ST18: variants seen among roughly 807,000 people sequenced by gnomAD.
ST18 encodes the protein ST18 C2H2C-type zinc finger transcription factor, also known as suppression of tumorigenicity 18 protein.
A neutral mutation model predicts 110.0 loss-of-function variants in ST18; 50 were observed. The observed-to-expected ratio is 0.45, with a 90% CI of 0.36 to 0.58. ST18 has a LOEUF of 0.58. Among genes scored for constraint, ST18 ranks in the 20% least tolerant of loss-of-function variants. ST18 has a pLI of 0.00. For missense variants in ST18, 1,306 were observed against 1,280.1 expected (o/e 1.02, Z -0.31); for synonymous variants, 461 against 452.4 (o/e 1.02, Z -0.24).
At chr8:52,138,921 C>G (rs1335329808) in intron 17 of ST18, among the ~76,000 whole-genome samples, 6 of 152,120 alleles carry the variant, frequency 3.9e-5, no homozygotes, top group Non-Finnish European at 8.8e-5. Flanking sequence ...TCTGAGTTAT[C>G]ACTTTCTAAG....
chr8:52,187,946 T>C (rs1321302668), intron 8 of ST18, among the ~76,000 whole-genome samples: 13 of 152,230 alleles, frequency 8.5e-5, no homozygotes, highest in Admixed American at 8.5e-4. Flanking sequence ...AAAACAAAAC[T>C]CAACAATTAT....
intron 22 of ST18, among the ~76,000 whole-genome samples, chr8:52,126,428 T>G (rs1159551623): frequency 6.6e-6 from 1 of 152,248 alleles, no homozygotes. Flanking sequence ...TTCATCTCCA[T>G]TCAAGTAAGT....
chr8:52,347,746 A>G (rs952072831), intron 2 of ST18, among the ~76,000 whole-genome samples: 1 of 152,200 alleles, frequency 6.6e-6, no homozygotes, highest in African/African-American at 2.4e-5. Context: ...AAGCTGAGGC[A>G]CAGAGATGTT....
At chr8:52,152,923 C>T (rs2059168291) in intron 15 of ST18, among the ~76,000 whole-genome samples, 1 of 152,144 alleles carries the variant, frequency 6.6e-6, no homozygotes, top group African/African-American at 2.4e-5. Flanking sequence ...ATGGAAAATA[C>T]TTGTATCACT....
chr8:52,140,766 A>T (rs2054692974), intron 17 of ST18, among the ~76,000 whole-genome samples: 1 of 152,184 alleles, frequency 6.6e-6, no homozygotes, highest in East Asian at 1.9e-4. Context: ...TTTCTGATCC[A>T]AAATGGTATT....
At chr8:52,287,297 T>C (rs1401045882) in intron 2 of ST18, among the ~76,000 whole-genome samples, 2 of 152,228 alleles carry the variant, frequency 1.3e-5, no homozygotes, top group African/African-American at 4.8e-5. Flanking sequence ...TTACATAGTA[T>C]GCTAAGATTA....
chr8:52,270,471 A>G (rs2095038310), intron 2 of ST18, among the ~76,000 whole-genome samples: 1 of 152,088 alleles, frequency 6.6e-6, no homozygotes, highest in African/African-American at 2.4e-5. Flanking sequence ...CGCAAATTTT[A>G]AGTATATAGC....
At chr8:52,387,505 C>T (rs566119532) in intron 2 of ST18, among the ~76,000 whole-genome samples, 1 of 152,204 alleles carries the variant, frequency 6.6e-6, no homozygotes, top group South Asian at 2.1e-4. Context: ...CTCTGCTTGA[C>T]TTTGGGTTTC....
intron 2 of ST18, 146 bp downstream of exon 2, chr8:52,409,182 C>T (rs1217445607): frequency 6.6e-6 from 1 of 152,224 alleles, no homozygotes; most frequent in Non-Finnish European, 1.5e-5. Flanking sequence ...GCTGCCATGC[C>T]CATGCCCACG....
At chr8:52,137,816 T>C in intron 17 of ST18, 1 of 229,400 alleles carries the variant, frequency 4.4e-6, no homozygotes, top group Non-Finnish European at 8.6e-6. Context: ...GAAAAATGTA[T>C]ATGTTGCCGG....
intron 2 of ST18, chr8:52,408,880 C>G (rs550353136): frequency 6.6e-6 from 1 of 152,182 alleles, no homozygotes; most frequent in East Asian, 1.9e-4. Context: ...ATATTTGATG[C>G]TTATTATGTG....
chr8:52,229,180 C>T (rs1276840929), intron 3 of ST18, among the ~76,000 whole-genome samples: 1 of 152,134 alleles, frequency 6.6e-6, no homozygotes, highest in Admixed American at 6.5e-5. Context: ...AAAATATGTC[C>T]CATCTATTGG....
intron 9 of ST18, among the ~76,000 whole-genome samples, chr8:52,175,259 T>C (rs760179273): frequency 1.2e-4 from 18 of 152,184 alleles, no homozygotes; most frequent in Non-Finnish European, 1.6e-4. Flanking sequence ...TTTTAGAAGG[T>C]AGTCGTGGCA....
At position 52,149,647 on chromosome 8, in the gene ST18, T is replaced by C. The variant is rs1217749325; in HGVS notation, c.2052+85A>G. The C allele has an allele frequency of 2.0e-6, 3 of 1,500,840 alleles. No homozygotes were observed. The East Asian group carries it at 6.8e-5, about 34-fold the overall frequency. The allele number at this position is 1,500,840 out of a possible 1,614,324, so 93.0% of individuals were successfully genotyped here. A position where few individuals can be genotyped will look rare whatever the true frequency, so the allele number is the denominator to read the frequency against. ...ATTATGTATTATCTAAACAGGAATG[T>C]GAAATATAATTTAGGAGGGAAAAGC... On this transcript the variant is annotated intron_variant, in intron 16 of 25. Transcript: ENST00000689386.
intron 23 of ST18, among the ~76,000 whole-genome samples, chr8:52,121,426 T>C (rs1247193237): frequency 6.6e-6 from 1 of 152,242 alleles, no homozygotes; most frequent in Non-Finnish European, 1.5e-5. Context: ...CTAATTTCTT[T>C]GTAATGTTTC....
chr8:52,257,437 C>G (rs1186128925), intron 2 of ST18, among the ~76,000 whole-genome samples: 1 of 152,058 alleles, frequency 6.6e-6, no homozygotes, highest in Admixed American at 6.6e-5. Context: ...CTATCCTCAC[C>G]AACACTTTTT....
intron 2 of ST18, among the ~76,000 whole-genome samples, chr8:52,258,669 T>A (rs2094594288): frequency 6.6e-6 from 1 of 152,208 alleles, no homozygotes; most frequent in African/African-American, 2.4e-5. Flanking sequence ...TCATGTCATC[T>A]GCAAATGGAA....
Position 52,149,913 on chromosome 8 carries a change from A to C in ST18, c.1871T>G (p.Leu624Arg). 1.9e-6 allele frequency: 3 copies of C among 1,614,166 alleles called. No homozygotes were observed. The highest frequency in any genetic ancestry group is 2.5e-6 in the Non-Finnish European group (3 of 1,180,004). The change falls in exon 16 of 26, where the codon CTG (leucine) becomes CGG (arginine). Residue 624 changes from leucine to arginine, a missense_variant. Transcript: ENST00000689386. ...GGAAGTTAGGGGTGCAGACTTGTCC[A>C]GGATTCGATTTTTTTTCATGCTTAA... ...LDLSMKKNRILDKSAPLTSSN... is the reference protein window; with the variant it reads ...LDLSMKKNRIRDKSAPLTSSN...
intron 2 of ST18, among the ~76,000 whole-genome samples, chr8:52,314,002 C>T (rs1409979365): frequency 1.3e-5 from 2 of 152,160 alleles, no homozygotes; most frequent in Non-Finnish European, 2.9e-5. Flanking sequence ...TCCACTGGGC[C>T]TACCTTCAGG....
Sources: allele counts gnomAD v4.1 joint callset (sites outside exome capture counted in the v4.1 genomes callset), GRCh38; gene constraint gnomAD v4.1.1; transcripts MANE v1.5; gene names NCBI Gene and HGNC (gene_info 2026-07-23, HGNC 2026-07-21).